The following FRMD4A variants were observed in gnomAD, a reference collection of about 807,000 sequenced individuals.
FRMD4A encodes FERM domain-containing protein 4A.
FRMD4A carries 29 observed loss-of-function variants against 129.1 expected under a neutral mutation model. That is an observed-to-expected ratio of 0.22 (90% CI 0.17 to 0.31). The LOEUF (loss-of-function observed/expected upper bound fraction) is 0.31. FRMD4A is among the 10% of genes least tolerant of loss of function. The pLI is 1.00. For missense variants in FRMD4A, 1,272 were observed against 1,375.8 expected, an observed-to-expected ratio of 0.92 and a Z score of 1.19; for synonymous variants, 634 against 571.6, an observed-to-expected ratio of 1.11 and a Z score of -1.56.
intron 2 of FRMD4A, among the ~76,000 whole-genome samples, chr10:14,250,969 C>G (rs1844418150): frequency 6.6e-6 from 1 of 152,112 alleles, no homozygotes; most frequent in Non-Finnish European, 1.5e-5. Flanking sequence ...CATTCCATGC[C>G]CCAGTTGCAT....
At chr10:14,183,643 G>T (rs1841981285) in intron 2 of FRMD4A, among the ~76,000 whole-genome samples, 2 of 151,704 alleles carry the variant, frequency 1.3e-5, no homozygotes, top group African/African-American at 4.8e-5. Flanking sequence ...TAATGAAATT[G>T]ATGGGCATCT....
chr10:14,294,621 A>C (rs957168772), intron 2 of FRMD4A, among the ~76,000 whole-genome samples: 1 of 152,208 alleles, frequency 6.6e-6, no homozygotes, highest in Non-Finnish European at 1.5e-5. Context: ...AAGACTAATA[A>C]AGACATAAAG....
At chr10:13,724,946 T>C (rs1177989617) in intron 12 of FRMD4A, among the ~76,000 whole-genome samples, 1 of 152,194 alleles carries the variant, frequency 6.6e-6, no homozygotes, top group Non-Finnish European at 1.5e-5. Flanking sequence ...TAATCAGATC[T>C]AGCTTGAGCA....
At chr10:14,175,934 C>A (rs1841709085) in intron 2 of FRMD4A, among the ~76,000 whole-genome samples, 1 of 152,222 alleles carries the variant, frequency 6.6e-6, no homozygotes, top group South Asian at 2.1e-4. Context: ...AGCATCCTGA[C>A]AAATCTGTAG....
chr10:13,675,187 A>C (rs1433448335), intron 15 of FRMD4A, 143 bp from the exon 16 acceptor site: 1 of 695,068 alleles, frequency 1.4e-6, no homozygotes, highest in Non-Finnish European at 2.5e-6. Context: ...GGTGCTCAGC[A>C]CTCTAACTGT....
At chr10:14,239,426 G>T (rs929123744) in intron 2 of FRMD4A, among the ~76,000 whole-genome samples, 2 of 152,150 alleles carry the variant, frequency 1.3e-5, no homozygotes, top group Non-Finnish European at 2.9e-5. Context: ...AGGAGATCAA[G>T]ACCATCCTGG....
intron 2 of FRMD4A, among the ~76,000 whole-genome samples, chr10:13,963,437 A>C (rs538109065): frequency 2.0e-5 from 3 of 152,320 alleles, no homozygotes; most frequent in South Asian, 2.1e-4. Context: ...CAAATTGAGA[A>C]TCAAAGCCCA....
intron 2 of FRMD4A, among the ~76,000 whole-genome samples, chr10:14,109,267 A>C (rs1316195626): frequency 6.6e-6 from 1 of 151,582 alleles, no homozygotes; most frequent in East Asian, 1.9e-4. Flanking sequence ...TGGGTGAGAT[A>C]TTGTACCCTG....
At chr10:13,667,968 A>T (rs1053925375) in intron 17 of FRMD4A, 1 of 152,244 alleles carries the variant, frequency 6.6e-6, no homozygotes, top group African/African-American at 2.4e-5. Context: ...GAGGAGATCA[A>T]TTGTTTGCTA....
chr10:13,848,808 A>G (rs576927833), intron 3 of FRMD4A, among the ~76,000 whole-genome samples: 1 of 152,138 alleles, frequency 6.6e-6, no homozygotes, highest in East Asian at 1.9e-4. Flanking sequence ...AGGAAGATGG[A>G]TCGTGTCTCC....
intron 2 of FRMD4A, among the ~76,000 whole-genome samples, chr10:14,137,353 C>T (rs548849673): frequency 1.3e-5 from 2 of 152,296 alleles, no homozygotes; most frequent in South Asian, 4.2e-4. Flanking sequence ...TTTAATTCTG[C>T]CTGGCAATGT....
At chr10:14,153,651 G>A (rs1328681188) in intron 2 of FRMD4A, among the ~76,000 whole-genome samples, 3 of 152,094 alleles carry the variant, frequency 2.0e-5, no homozygotes, top group African/African-American at 7.2e-5. Context: ...AAAGGAAACC[G>A]AGCTTAGGAG....
intron 15 of FRMD4A, among the ~76,000 whole-genome samples, chr10:13,678,658 C>T (rs923592652): frequency 6.6e-6 from 1 of 152,256 alleles, no homozygotes. Context: ...TTGCAACTGC[C>T]TCTTCACTGT....
chr10:13,891,732 G>A (rs1420523645), intron 2 of FRMD4A: 1 of 984,184 alleles, frequency 1.0e-6, no homozygotes, highest in African/African-American at 1.7e-5. Flanking sequence ...GGCCTACTAG[G>A]CGGCCTTGGC....
intron 2 of FRMD4A, among the ~76,000 whole-genome samples, chr10:14,262,463 G>A (rs1273353379): frequency 1.3e-5 from 2 of 152,152 alleles, no homozygotes; most frequent in African/African-American, 4.8e-5. Flanking sequence ...GACCTCTCTT[G>A]TGTGTCGAGG....
chr10:13,808,041 T>G (rs892293757), intron 4 of FRMD4A, among the ~76,000 whole-genome samples: 1 of 152,204 alleles, frequency 6.6e-6, no homozygotes. Flanking sequence ...TCAAGTGATC[T>G]GTCCACCTCA....
chr10:13,780,389 T>C (rs1287493853), intron 6 of FRMD4A, among the ~76,000 whole-genome samples: 1 of 152,016 alleles, frequency 6.6e-6, no homozygotes, highest in Non-Finnish European at 1.5e-5. Flanking sequence ...CGCAAGTCCA[T>C]CTTCCCCGGG....
chr10:14,282,176 C>A (rs1357722805), intron 2 of FRMD4A, among the ~76,000 whole-genome samples: 2 of 152,166 alleles, frequency 1.3e-5, no homozygotes, highest in Non-Finnish European at 2.9e-5. Flanking sequence ...AATTATCTCC[C>A]ACTGGGTCCC....
intron 2 of FRMD4A, among the ~76,000 whole-genome samples, chr10:14,024,891 C>A (rs1832918174): frequency 6.6e-6 from 1 of 152,218 alleles, no homozygotes; most frequent in Non-Finnish European, 1.5e-5. Context: ...TGATTTCTGA[C>A]CTTTCATAAA....
Sources: gnomAD v4.1 joint callset for allele counts (sites outside exome capture counted in the v4.1 genomes callset) on GRCh38, gnomAD v4.1.1 for gene constraint, MANE v1.5 for transcripts, NCBI Gene and HGNC (gene_info 2026-07-23, HGNC 2026-07-21) for gene names.